The following ACSL4 variants were observed in gnomAD, a reference collection of about 807,000 sequenced individuals.
ACSL4 encodes the protein acyl-CoA synthetase long chain family member 4.
A neutral mutation model predicts 49.1 loss-of-function variants in ACSL4; 9 were observed. The ratio of observed to expected loss-of-function variants is 0.18; its 90% confidence interval spans 0.11 to 0.32. The LOEUF (loss-of-function observed/expected upper bound fraction) is 0.32, where lower values mean the gene tolerates loss of function less well. Among genes scored for constraint, ACSL4 ranks in the 10% least tolerant of loss-of-function variants. The pLI, the probability that ACSL4 is intolerant of heterozygous loss-of-function variation, is 1.00. For synonymous variants in ACSL4, 191 were observed against 170.3 expected (o/e 1.12, Z -0.95); for missense variants, 333 against 493.7 (o/e 0.67, Z 3.08).
chrX:109,658,452 C>A (rs1331126958), intron 15 of ACSL4, among the ~76,000 whole-genome samples: 1 of 111,300 alleles, frequency 9.0e-6, no homozygotes, highest in Non-Finnish European at 1.9e-5. Context: ...ACATCACTAA[C>A]CTAGTAAAAC....
At chrX:109,712,957 C>T (rs766711569) in intron 1 of ACSL4, among the ~76,000 whole-genome samples, 1 of 105,076 alleles carries the variant, frequency 9.5e-6, no homozygotes, top group African/African-American at 3.5e-5. Context: ...CAGAGTGAGA[C>T]CCTGAGAAAA....
chrX:109,676,402 G>A (rs1266527201), intron 8 of ACSL4, among the ~76,000 whole-genome samples: 1 of 111,699 alleles, frequency 9.0e-6, no homozygotes, highest in African/African-American at 3.3e-5. Context: ...TGTGAACACT[G>A]AGGACGTATC....
intron 2 of ACSL4, chrX:109,695,820 A>G (rs982404196): frequency 8.9e-6 from 1 of 112,220 alleles, no homozygotes; most frequent in African/African-American, 3.2e-5. Context: ...CACATATTCT[A>G]TAAGCCTCAG....
At position 109,668,173 on chromosome X, in the gene ACSL4, C is replaced by G. The variant is rs770358246; in HGVS notation, c.1243G>C (p.Val415Leu). Residue 415 changes from valine (V) to leucine (L), a missense_variant, in exon 11 of 16, where the codon GTC becomes CTC. By Grantham distance (32) the Val-to-Leu change is conservative. Transcript: ENST00000672401. ...LSPQTHRFMN[V>L]CFCCPIGQGY... The stretch of plus-strand genomic sequence containing the variant: ...TGGCCAATTGGGCAGCAGAAGCAGA[C>G]ATTCATGAATCGGTGTGTCTGAGGA... 1 of 1,210,253 alleles carries G rather than the reference C, an allele frequency of 8.3e-7. No individual in the cohort carries two copies. The highest frequency in any genetic ancestry group is 1.8e-5 in the South Asian group (1 of 56,952).
At chrX:109,702,270 A>G (rs1926028611) in intron 1 of ACSL4, among the ~76,000 whole-genome samples, 1 of 111,954 alleles carries the variant, frequency 8.9e-6, no homozygotes, top group Non-Finnish European at 1.9e-5. Context: ...ATGTCTTTCC[A>G]TGGCAGAATA....
chrX:109,659,592 A>G, intron 14 of ACSL4, 81 bp from the exon 15 acceptor site: 2 of 598,741 alleles, frequency 3.3e-6, no homozygotes, highest in Non-Finnish European at 5.4e-6. Context: ...AGTACAGTAC[A>G]GATAATTCCA....
intron 14 of ACSL4, among the ~76,000 whole-genome samples, chrX:109,660,589 C>A (rs1922092014): frequency 9.0e-6 from 1 of 111,586 alleles, no homozygotes; most frequent in South Asian, 3.7e-4. Context: ...AGGTATCTAT[C>A]CACATAATTG....
At chrX:109,675,214 G>A (rs995578539) in intron 8 of ACSL4, among the ~76,000 whole-genome samples, 8 of 112,990 alleles carry the variant, frequency 7.1e-5, no homozygotes, top group South Asian at 3.6e-4. Flanking sequence ...CCTTCAGGTC[G>A]GAGTTGCCCT....
At chrX:109,720,300 A>G (rs1261060813) in intron 1 of ACSL4, among the ~76,000 whole-genome samples, 2 of 110,164 alleles carry the variant, frequency 1.8e-5, no homozygotes, top group Non-Finnish European at 3.8e-5. Flanking sequence ...ACTGCACTCC[A>G]GCCTAGGCAA....
chrX:109,732,998 A>G (rs756785905), intron 1 of ACSL4, 141 bp downstream of exon 1: 2 of 329,451 alleles, frequency 6.1e-6, no homozygotes, highest in South Asian at 5.2e-5. Flanking sequence ...GAAAAAAGCG[A>G]GCCGACTCCA....
chrX:109,666,841 G>A (rs1922686092), intron 11 of ACSL4, among the ~76,000 whole-genome samples: 1 of 112,107 alleles, frequency 8.9e-6, no homozygotes, highest in East Asian at 2.8e-4. Flanking sequence ...CTTGAACCCG[G>A]GAGGCGGAGG....
At chrX:109,716,877 T>C in intron 1 of ACSL4, among the ~76,000 whole-genome samples, 1 of 112,369 alleles carries the variant, frequency 8.9e-6, no homozygotes, top group Admixed American at 9.4e-5. Context: ...TGATATTTCC[T>C]ACTAGTAGAT....
intron 12 of ACSL4, 100 bp from the exon 13 acceptor site, chrX:109,663,502 A>T (rs754118270): frequency 1.4e-6 from 1 of 732,396 alleles, no homozygotes; most frequent in African/African-American, 2.1e-5. Flanking sequence ...ATCAGATTTT[A>T]TATCACTTTA....
chrX:109,699,249 C>G (rs1162274597), intron 1 of ACSL4, among the ~76,000 whole-genome samples: 1 of 111,742 alleles, frequency 8.9e-6, no homozygotes, highest in Non-Finnish European at 1.9e-5. Context: ...TGCCTATTAA[C>G]CCAGCTACGG....
chrX:109,689,468 A>C (rs1029574827), intron 2 of ACSL4, among the ~76,000 whole-genome samples: 1 of 112,052 alleles, frequency 8.9e-6, no homozygotes, highest in African/African-American at 3.2e-5. Flanking sequence ...TGAAGTCCTT[A>C]CTACAACCTA....
intron 2 of ACSL4, among the ~76,000 whole-genome samples, chrX:109,685,088 C>CTTTTTTTT (rs1203140186): frequency 1.4e-4 from 11 of 77,426 alleles, no homozygotes; most frequent in Admixed American, 2.9e-4. Context: ...TCTTTTCTTT[C>CTTTTTTTT]TTTTTTTTTT....
intron 1 of ACSL4, among the ~76,000 whole-genome samples, chrX:109,723,896 G>A (rs975988375): frequency 2.7e-5 from 3 of 112,088 alleles, no homozygotes; most frequent in Non-Finnish European, 5.6e-5. Context: ...CAATCTGTCT[G>A]GTGAAAAACG....
chrX:109,683,352 T>C lies in ACSL4; in HGVS notation c.12A>G (p.Arg4=). The part of the protein sequence containing the change: MAK[R]IKAKPTSDKP... ...TGTCTGAAGTGGGCTTAGCTTTTATTCTCTTTGCCATAGCGTTTTTCTTCT... is the reference window on the plus strand; with the variant it reads ...TGTCTGAAGTGGGCTTAGCTTTTATCCTCTTTGCCATAGCGTTTTTCTTCT... The change falls in exon 3 of 16, where the codon AGA becomes AGG. Residue 4 remains arginine (R), a synonymous_variant. Transcript: ENST00000672401. The C allele has an allele frequency of 8.3e-7, 1 of 1,211,911 alleles. No homozygotes were observed. Among genetic ancestry groups the C allele is most frequent in the Non-Finnish European group, 1.1e-6 (1 of 895,540 alleles).
intron 9 of ACSL4, among the ~76,000 whole-genome samples, chrX:109,672,716 GC>G (rs960448451): frequency 1.4e-4 from 9 of 62,391 alleles, no homozygotes; most frequent in Non-Finnish European, 2.2e-4. Flanking sequence ...TTGATGAGGT[GC>G]CAATGGACTA....
Sources: allele counts gnomAD v4.1 joint callset (sites outside exome capture counted in the v4.1 genomes callset), GRCh38; gene constraint gnomAD v4.1.1; transcripts MANE v1.5; gene names NCBI Gene and HGNC (gene_info 2026-07-23, HGNC 2026-07-21).